The following ERG variants were observed in gnomAD, a reference collection of about 807,000 sequenced individuals.
ERG encodes the protein ETS transcription factor ERG.
A neutral mutation model predicts 55.3 loss-of-function variants in ERG; 9 were observed. The ratio of observed to expected loss-of-function variants is 0.16; its 90% CI spans 0.10 to 0.28. The LOEUF (loss-of-function observed/expected upper bound fraction) is 0.28. Ranked by LOEUF, ERG falls within the 10% of genes least tolerant of loss-of-function variation. The probability of loss-of-function intolerance (pLI) is 1.00; values close to 1 mark genes in which losing one functional copy is unlikely to be tolerated. For missense variants in ERG, 434 were observed against 631.6 expected (o/e 0.69, Z 3.35); for synonymous variants, 223 against 237.3 (o/e 0.94, Z 0.55).
chr21:38,374,078 A>G, the ERG span, among the ~76,000 whole-genome samples: 1 of 152,240 alleles, frequency 6.6e-6, no homozygotes, highest in Non-Finnish European at 1.5e-5. Flanking sequence ...CACTTGAAAA[A>G]AAGTCTTAGG....
chr21:38,656,167 C>G (rs933728319), intron 1 of ERG, among the ~76,000 whole-genome samples: 14 of 152,190 alleles, frequency 9.2e-5, no homozygotes, highest in Admixed American at 7.2e-4. Flanking sequence ...GAGGTTCAGG[C>G]TCCAAAGCTG....
chr21:38,523,788 G>C (rs749715742), intron 2 of ERG, among the ~76,000 whole-genome samples: 6 of 152,194 alleles, frequency 3.9e-5, no homozygotes, highest in Non-Finnish European at 7.3e-5. Context: ...CATTCTGAAG[G>C]CTGCAAAAGC....
At chr21:38,496,488 A>T (rs563517282) in intron 1 of ERG, among the ~76,000 whole-genome samples, 3 of 152,218 alleles carry the variant, frequency 2.0e-5, no homozygotes, top group Non-Finnish European at 2.9e-5. Context: ...TACTTTACCC[A>T]GGAAATCTAA....
upstream of ERG, among the ~76,000 whole-genome samples, chr21:38,501,211 G>A (rs1292645561): frequency 1.1e-4 from 17 of 151,594 alleles, no homozygotes; most frequent in African/African-American, 2.2e-4. Context: ...GACTGCAGGC[G>A]CCCGCCACCA....
At chr21:38,376,914 G>A (rs1227265451), downstream of ERG, among the ~76,000 whole-genome samples, 2 of 152,232 alleles carry the variant, frequency 1.3e-5, no homozygotes, top group African/African-American at 4.8e-5. Flanking sequence ...CAAGGAAATG[G>A]GAGGGCTGCG....
In ERG at chr21:38,380,463, A is replaced by G; in HGVS notation, c.*2940T>C. The G allele has an allele frequency of 9.4e-7, 1 of 1,064,770 alleles. No individual in the cohort carries two copies. Among genetic ancestry groups the G allele is most frequent in the Non-Finnish European group, 1.1e-6 (1 of 878,926 alleles). 66.0% of individuals were successfully genotyped at this position (1,064,770 alleles called of 1,614,324 possible). ...GATTTTACCACATACAAGGCCCGAA[A>G]GCCAATTGAAGACAAGAAAAGAAGA... is the stretch of plus-strand genomic sequence containing the variant. On this transcript the variant is annotated 3_prime_UTR_variant, in exon 10 of 10. Transcript: ENST00000288319.
At chr21:38,418,782 C>T (rs141539979) in intron 3 of ERG, among the ~76,000 whole-genome samples, 3 of 151,618 alleles carry the variant, frequency 2.0e-5, no homozygotes, top group Admixed American at 1.3e-4. Context: ...CAAAAATTAG[C>T]CTGGCGTGGT....
intron 1 of ERG, among the ~76,000 whole-genome samples, chr21:38,647,758 A>C (rs2060465827): frequency 6.6e-6 from 1 of 152,220 alleles, no homozygotes. Context: ...GATTTCTCTA[A>C]GTTGGGAATT....
chr21:38,437,954 A>G (rs557202375), intron 2 of ERG, among the ~76,000 whole-genome samples: 9 of 152,238 alleles, frequency 5.9e-5, no homozygotes, highest in South Asian at 2.1e-4. Flanking sequence ...TGATTTCTGA[A>G]CTCACCAGAA....
intron 1 of ERG, among the ~76,000 whole-genome samples, chr21:38,594,292 A>G (rs1250828643): frequency 6.6e-6 from 1 of 152,176 alleles, no homozygotes; most frequent in African/African-American, 2.4e-5. Flanking sequence ...CATCCTTCAT[A>G]TTTAAAATAG....
intron 2 of ERG, among the ~76,000 whole-genome samples, chr21:38,531,667 T>C (rs780279903): frequency 1.6e-4 from 24 of 152,244 alleles, no homozygotes; most frequent in Non-Finnish European, 3.2e-4. Context: ...AAAAATCATG[T>C]TCTTGTGGTT....
At chr21:38,621,156 G>A (rs2060287903) in intron 1 of ERG, among the ~76,000 whole-genome samples, 1 of 152,182 alleles carries the variant, frequency 6.6e-6, no homozygotes, top group African/African-American at 2.4e-5. Context: ...CATGGGATGG[G>A]ATGAGATCAC....
intron 2 of ERG, among the ~76,000 whole-genome samples, chr21:38,556,505 T>C (rs1387831883): frequency 6.6e-6 from 1 of 152,130 alleles, no homozygotes; most frequent in Non-Finnish European, 1.5e-5. Context: ...CTTTTGTGGA[T>C]ACAAAAGGGG....
At chr21:38,511,083 G>T (rs563320971) in intron 2 of ERG, among the ~76,000 whole-genome samples, 9 of 152,248 alleles carry the variant, frequency 5.9e-5, no homozygotes, top group African/African-American at 2.2e-4. Context: ...TAGTGTGAAG[G>T]AGTTAGCAAC....
At chr21:38,494,022 G>A (rs2146682945) in intron 1 of ERG, among the ~76,000 whole-genome samples, 1 of 152,336 alleles carries the variant, frequency 6.6e-6, no homozygotes, top group African/African-American at 2.4e-5. Flanking sequence ...TTGAGGATGG[G>A]TGCGAGACAG....
intron 1 of ERG, among the ~76,000 whole-genome samples, chr21:38,597,530 G>A (rs552161543): frequency 6.6e-6 from 1 of 151,724 alleles, no homozygotes; most frequent in Non-Finnish European, 1.5e-5. Context: ...GAGGGAGAAA[G>A]ATCTATCTAC....
At chr21:38,389,721 G>A (rs776556354) in intron 9 of ERG, among the ~76,000 whole-genome samples, 1 of 150,930 alleles carries the variant, frequency 6.6e-6, no homozygotes, top group Non-Finnish European at 1.5e-5. Flanking sequence ...ATCTCTCCAC[G>A]GACCAAAAGC....
chr21:38,498,043 A>G lies in ERG; in HGVS notation c.18+320T>C, dbSNP rs2059394240. Among the ~76,000 whole-genome samples the G allele has an allele frequency of 6.6e-6, 1 of 152,194 alleles. No homozygotes were observed. The highest frequency in any genetic ancestry group is 1.5e-5 in the Non-Finnish European group (1 of 68,036). ...GAGTCTGCTGCCTTTTCTCAGACACACATCCAGGCACCGTTAGGGATAGTT... is the reference window on the plus strand; with the variant it reads ...GAGTCTGCTGCCTTTTCTCAGACACGCATCCAGGCACCGTTAGGGATAGTT... On this transcript the variant is annotated intron_variant, in intron 1 of 9. Transcript: ENST00000288319. This position sits in a 1 kb window ranked among gnomAD's most constrained non-coding sequence, Gnocchi z 4.6.
At chr21:38,657,105 T>C (rs926764722) in intron 1 of ERG, among the ~76,000 whole-genome samples, 27 of 116,222 alleles carry the variant, frequency 2.3e-4, no homozygotes, top group Non-Finnish European at 3.5e-5. Flanking sequence ...TGATGTCTAT[T>C]TCTCTGGGAT....
Sources: allele counts gnomAD v4.1 joint callset (sites outside exome capture counted in the v4.1 genomes callset), GRCh38; gene constraint gnomAD v4.1.1; non-coding constraint Gnocchi (gnomAD v3.1); transcripts MANE v1.5; gene names NCBI Gene and HGNC (gene_info 2026-07-23, HGNC 2026-07-21).